GLB1L3: variants seen among roughly 807,000 people sequenced by gnomAD.
GLB1L3 encodes the protein beta-galactosidase-1-like protein 3.
A neutral mutation model predicts 89.5 loss-of-function variants in GLB1L3; 89 were observed. The ratio of observed to expected loss-of-function variants is 0.99; its 90% confidence interval spans 0.84 to 1.19. The LOEUF is 1.19. Among genes scored for constraint, GLB1L3 ranks in the 50% most tolerant of loss-of-function variants. The pLI, the probability that GLB1L3 is intolerant of heterozygous loss-of-function variation, is 0.00. For synonymous variants in GLB1L3, 314 were observed against 312.3 expected, an observed-to-expected ratio of 1.01 and a Z score of -0.06; for missense variants, 812 against 813.3, an observed-to-expected ratio of 1.00 and a Z score of 0.02.
At chr11:134,308,273 A>AT (rs1942369848) in intron 10 of GLB1L3, among the ~76,000 whole-genome samples, 1 of 45,358 alleles carries the variant, frequency 2.2e-5, no homozygotes, top group Non-Finnish European at 4.5e-5. Context: ...CACCACCACC[A>AT]CCACCACCAA....
chr11:134,304,090 T>A (rs1942071758), intron 9 of GLB1L3, among the ~76,000 whole-genome samples: 1 of 152,170 alleles, frequency 6.6e-6, no homozygotes, highest in Non-Finnish European at 1.5e-5. Context: ...ATGTGTGTGT[T>A]CCCAGGTAGT....
At chr11:134,292,103 G>C (rs1340271051) in intron 7 of GLB1L3, 29 bp from the exon 8 acceptor site, 2 of 1,545,818 alleles carry the variant, frequency 1.3e-6, no homozygotes, top group Non-Finnish European at 1.8e-6. Flanking sequence ...TGAGGGAATT[G>C]GGTTCATTTT....
At chr11:134,318,560 C>T (rs1943077161) in intron 18 of GLB1L3, 71 bp from the exon 19 acceptor site, 2 of 889,202 alleles carry the variant, frequency 2.2e-6, no homozygotes, top group African/African-American at 1.6e-5. Flanking sequence ...TGCTCTCACT[C>T]TCCAAGTGCC....
At chr11:134,308,374 CCACCATCACCACCAT>C (rs1565413406) in intron 10 of GLB1L3, among the ~76,000 whole-genome samples, 4 of 44,226 alleles carry the variant, frequency 9.0e-5, no homozygotes, top group African/African-American at 4.7e-4. Flanking sequence ...ACCACCACCA[CCACCATCACCACCAT>C]CACCACCATC....
intron 11 of GLB1L3, 85 bp downstream of exon 11, chr11:134,309,848 C>A (rs1471857906): frequency 2.7e-6 from 4 of 1,466,292 alleles, no homozygotes; most frequent in Middle Eastern, 1.7e-4. Flanking sequence ...GTTCTGGCAC[C>A]ACTGGGTTCT....
rs754085504 is a variant in GLB1L3, at chr11:134,307,209, G to A, written c.961+1G>A. On this transcript the variant is annotated splice_donor_variant, in intron 10 of 19. Coordinates refer to ENST00000431683, the MANE Select transcript of GLB1L3 (RefSeq NM_001080407.3). LOFTEE classifies it high-confidence loss of function. Reference sequence around the variant, plus strand: ...AAGCACCATGTTAAAGATGCAAAGGGTGAGTGTTTTGCAGTGTTTGACTCC... The same window carrying A: ...AAGCACCATGTTAAAGATGCAAAGGATGAGTGTTTTGCAGTGTTTGACTCC... 6.2e-7 allele frequency: 1 copy of A among 1,609,692 alleles called. No homozygotes were observed. The highest frequency in any genetic ancestry group is 1.3e-5 in the African/African-American group (1 of 74,840).
intron 15 of GLB1L3, 24 bp from the exon 16 acceptor site, chr11:134,313,371 TC>T: frequency 6.4e-7 from 1 of 1,556,604 alleles, no homozygotes; most frequent in Non-Finnish European, 8.7e-7. Flanking sequence ...CTGCGTGGTC[TC>T]CATGACCTGG....
In GLB1L3 at chr11:134,309,710, T is replaced by G; in HGVS notation, c.1046T>G (p.Phe349Cys). Reference protein sequence around the residue: ...YMFHGGTNFGFMNGATYFGKH... With the variant: ...YMFHGGTNFGCMNGATYFGKH... ...TTCCATGGTGGAACCAACTTTGGTT[T>G]CATGAACGGGGCCACATATTTCGGG... Residue 349 changes from phenylalanine to cysteine, a missense_variant, in exon 11 of 20, where the codon TTC becomes TGC. By Grantham distance (205) the Phe-to-Cys change is radical. Coordinates refer to ENST00000431683, the MANE Select transcript of GLB1L3 (RefSeq NM_001080407.3). 6.2e-7 allele frequency: 1 copy of G among 1,613,564 alleles called. No individual in the cohort carries two copies. The highest frequency in any genetic ancestry group is 1.1e-5 in the South Asian group (1 of 90,886).
chr11:134,288,843 T>C lies in GLB1L3; in HGVS notation c.682T>C (p.Tyr228His). Residue 228 changes from tyrosine to histidine, a missense_variant, in exon 7 of 20, where the codon TAT becomes CAT. Physicochemically the swap from Tyr to His is moderately conservative, Grantham distance 83. Transcript: ENST00000431683. ...CATCGCGGTGCAAGTGGAGAATGAG[T>C]ATGGCTCATTCAATAAGGATAAAAC... ...PVIAVQVENE[Y>H]GSFNKDKTYM... The C allele has an allele frequency of 6.2e-7, 1 of 1,613,270 alleles. No homozygotes were observed.
In GLB1L3 at chr11:134,316,206, C is replaced by CT. The variant is rs1206889352; in HGVS notation, c.1779+1777dup. 4.5e-3 allele frequency among the ~76,000 whole-genome samples: 649 copies of CT among 144,968 alleles called. 5 individuals are homozygous for CT. The highest frequency in any genetic ancestry group is 0.015 in the African/African-American group (582 of 39,664). On this transcript the variant is annotated intron_variant, in intron 18 of 19. Transcript: ENST00000431683. ...CCTATATTGGAAATGACTCCCATAC[C>CT]TTTTTTTTTTTTACACGTAGAATAA... is the stretch of plus-strand genomic sequence containing the variant.
intron 9 of GLB1L3, chr11:134,305,115 G>A (rs2136189407): frequency 6.5e-7 from 1 of 1,548,234 alleles, no homozygotes; most frequent in Non-Finnish European, 8.7e-7. Flanking sequence ...CTCCTCCCAG[G>A]GAGCCAGTAT....
chr11:134,316,378 T>C (rs1942979254), intron 18 of GLB1L3, among the ~76,000 whole-genome samples: 2 of 152,174 alleles, frequency 1.3e-5, no homozygotes, highest in South Asian at 4.1e-4. Flanking sequence ...TGGTTCATAT[T>C]GAAATACAGA....
chr11:134,312,690 A>T (rs912139723), intron 14 of GLB1L3, 126 bp from the exon 15 acceptor site: 1 of 964,916 alleles, frequency 1.0e-6, no homozygotes. Flanking sequence ...AGGCAGCTTC[A>T]TGCCATCAGT....
intron 9 of GLB1L3, 36 bp downstream of exon 9, chr11:134,293,245 C>T: frequency 1.3e-6 from 2 of 1,532,578 alleles, no homozygotes; most frequent in South Asian, 1.1e-5. Context: ...TTTACAGCTC[C>T]TCCTACCATG....
At chr11:134,302,776 G>C (rs495623) in intron 9 of GLB1L3, among the ~76,000 whole-genome samples, 23 of 152,068 alleles carry the variant, frequency 1.5e-4, no homozygotes, top group African/African-American at 4.3e-4. Context: ...TAAATGCCCT[G>C]TGTGTTTGTA....
chr11:134,309,783 T>TA lies in GLB1L3; in HGVS notation c.1099+21dup. 1 of 1,611,284 alleles carries TA rather than the reference T, an allele frequency of 6.2e-7. No individual in the cohort carries two copies. The highest frequency in any genetic ancestry group is 1.1e-5 in the South Asian group (1 of 90,208). ...GCTATGGCAAGTGTCGCTGGTGTAG[T>TA]AGCCTCTCCAGCATGGGCGGTGCTG... On this transcript the variant is annotated intron_variant, in intron 11 of 19. Transcript: ENST00000431683.
rs1222695777 is a variant in GLB1L3, at chr11:134,308,538, C to CCACCAT, written c.962-1070_962-1065dup. 1.4e-4 allele frequency among the ~76,000 whole-genome samples: 10 copies of CCACCAT among 69,328 alleles called. 1 individual carries two copies. Among genetic ancestry groups the CCACCAT allele is most frequent in the Admixed American group, 7.1e-4 (5 of 7,048 alleles). The allele number at this position is 69,328 out of a possible 152,430, so 45.5% of individuals were successfully genotyped here. On this transcript the variant is annotated intron_variant, in intron 10 of 19. Transcript: ENST00000431683. Reference sequence around the variant, plus strand: ...ACCACCATGTCCACCACCACTACCACCACCATCACCATCACCATCACCACC... The same window carrying CCACCAT: ...ACCACCATGTCCACCACCACTACCACCACCATCACCATCACCATCACCATCACCACC...
At chr11:134,292,958 G>A in intron 8 of GLB1L3, 187 bp from the exon 9 acceptor site, 1 of 639,276 alleles carries the variant, frequency 1.6e-6, no homozygotes, top group Non-Finnish European at 2.8e-6. Flanking sequence ...CCTCGCAAGT[G>A]TCAGGGATGT....
At chr11:134,322,410 T>A (rs759352747), downstream of GLB1L3, among the ~76,000 whole-genome samples, 2 of 152,264 alleles carry the variant, frequency 1.3e-5, no homozygotes, top group Non-Finnish European at 2.9e-5. Context: ...ACGATTCATA[T>A]ACCATAAAAT....
Sources: gnomAD v4.1 joint callset for allele counts (sites outside exome capture counted in the v4.1 genomes callset) on GRCh38, gnomAD v4.1.1 for gene constraint, MANE v1.5 for transcripts, NCBI Gene and HGNC (gene_info 2026-07-23, HGNC 2026-07-21) for gene names.